The following SLC2A13 variants were observed in gnomAD, a reference collection of about 807,000 sequenced individuals.
The protein encoded by SLC2A13 is solute carrier family 2 member 13.
SLC2A13 carries 32 observed loss-of-function variants against 64.4 expected under a neutral mutation model. The ratio of observed to expected loss-of-function variants is 0.50; its 90% CI spans 0.37 to 0.67. The LOEUF is 0.67. Ranked by LOEUF, SLC2A13 falls within the 30% of genes least tolerant of loss-of-function variation. SLC2A13 has a pLI of 0.00. For missense variants in SLC2A13, 743 were observed against 829.2 expected (o/e 0.90, Z 1.28); for synonymous variants, 338 against 327.1 (o/e 1.03, Z -0.36).
intron 4 of SLC2A13, among the ~76,000 whole-genome samples, chr12:39,945,340 G>T (rs1385621502): frequency 6.6e-6 from 1 of 152,046 alleles, no homozygotes; most frequent in African/African-American, 2.4e-5. Context: ...CCTAGGTGAA[G>T]GTCTTTTTGT....
chr12:39,927,570 A>C (rs1021181367), intron 4 of SLC2A13, among the ~76,000 whole-genome samples: 4 of 152,202 alleles, frequency 2.6e-5, no homozygotes, highest in Non-Finnish European at 5.9e-5. Context: ...TTAGGTTAGA[A>C]TTTATCTTTT....
intron 7 of SLC2A13, among the ~76,000 whole-genome samples, chr12:39,772,101 T>A (rs2135725947): frequency 6.6e-6 from 1 of 152,272 alleles, no homozygotes; most frequent in South Asian, 2.1e-4. Flanking sequence ...CATTATCATA[T>A]AGTGCTCTGT....
chr12:40,003,393 G>T (rs1947351396), intron 3 of SLC2A13, among the ~76,000 whole-genome samples: 1 of 152,106 alleles, frequency 6.6e-6, no homozygotes, highest in Non-Finnish European at 1.5e-5. Flanking sequence ...GAAGAGGAGA[G>T]ACAAAAACAA....
intron 6 of SLC2A13, among the ~76,000 whole-genome samples, chr12:39,859,306 A>C (rs1943691827): frequency 6.7e-6 from 1 of 148,240 alleles, no homozygotes; most frequent in South Asian, 2.1e-4. Flanking sequence ...AAAAAGAAAG[A>C]AAGCTGGCAG....
chr12:39,897,171 T>C (rs1982961), intron 4 of SLC2A13, among the ~76,000 whole-genome samples: 150,845 of 152,286 alleles, frequency 0.99, 74,731 homozygotes, highest in Middle Eastern at 1. Flanking sequence ...TCTGGTTAAT[T>C]TTTCTAGGAC....
chr12:39,822,890 G>A (rs983223106), intron 7 of SLC2A13, among the ~76,000 whole-genome samples: 3 of 152,218 alleles, frequency 2.0e-5, no homozygotes, highest in African/African-American at 7.2e-5. Flanking sequence ...TAAATGTCAA[G>A]TAAGAAATTC....
At chr12:39,989,549 A>T (rs1376454971) in intron 3 of SLC2A13, among the ~76,000 whole-genome samples, 1 of 152,188 alleles carries the variant, frequency 6.6e-6, no homozygotes, top group Non-Finnish European at 1.5e-5. Context: ...TGAGTGAATG[A>T]ATAATCAAAA....
intron 6 of SLC2A13, among the ~76,000 whole-genome samples, chr12:39,857,935 C>G (rs1349613898): frequency 1.3e-5 from 2 of 152,100 alleles, no homozygotes; most frequent in South Asian, 4.1e-4. Context: ...TCTGGCTTCC[C>G]AAGAAGCATT....
At position 40,105,780 on chromosome 12, in the gene SLC2A13, T is replaced by C. The variant is rs953971363; in HGVS notation, c.29A>G (p.Glu10Gly). Residue 10 changes from glutamate to glycine, a missense_variant, in exon 1 of 10, where the codon GAG (glutamate) becomes GGG (glycine). Physicochemically the swap from Glu to Gly is moderately conservative, Grantham distance 98 (BLOSUM62 -2). Transcript: ENST00000280871. This position sits in a 1 kb window ranked among gnomAD's most constrained non-coding sequence, Gnocchi z 4.2. ...GCTGCTCAGGCTCCGCAGCGTGTAC[T>C]CCACATTCTCGCTTGCCTTGCGGGA... MSRKASENV[E>G]YTLRSLSSLM... 3 of 1,487,124 alleles carry C rather than the reference T, an allele frequency of 2.0e-6. No individual in the cohort carries two copies. Among genetic ancestry groups the C allele is most frequent in the African/African-American group, 2.9e-5 (2 of 68,336 alleles). 92.1% of individuals were successfully genotyped at this position (1,487,124 alleles called of 1,614,324 possible). A position where few individuals can be genotyped will look rare whatever the true frequency, so the allele number is the denominator to read the frequency against.
chr12:40,024,914 T>C (rs549703648), intron 3 of SLC2A13, among the ~76,000 whole-genome samples: 1 of 152,130 alleles, frequency 6.6e-6, no homozygotes, highest in Non-Finnish European at 1.5e-5. Flanking sequence ...AGATGGCAAG[T>C]TTGAGACACA....
At chr12:39,913,440 T>C (rs554599361) in intron 4 of SLC2A13, among the ~76,000 whole-genome samples, 9 of 151,150 alleles carry the variant, frequency 6.0e-5, no homozygotes, top group Non-Finnish European at 1.2e-4. Context: ...TAAGCCTCCA[T>C]ACAATAATAA....
chr12:40,056,356 A>G (rs1948333458), intron 1 of SLC2A13, among the ~76,000 whole-genome samples: 1 of 152,218 alleles, frequency 6.6e-6, no homozygotes, highest in African/African-American at 2.4e-5. Context: ...CTTGACTGGA[A>G]GTGATGGCAA....
At chr12:40,005,797 G>T (rs1481478910) in intron 3 of SLC2A13, among the ~76,000 whole-genome samples, 1 of 152,188 alleles carries the variant, frequency 6.6e-6, no homozygotes, top group Non-Finnish European at 1.5e-5. Flanking sequence ...AGCAATCACA[G>T]ATTTTGGTAT....
At chr12:39,783,007 C>T (rs1466407717) in intron 7 of SLC2A13, among the ~76,000 whole-genome samples, 1 of 152,120 alleles carries the variant, frequency 6.6e-6, no homozygotes, top group Non-Finnish European at 1.5e-5. Context: ...TCTCTTAATG[C>T]TATCCCTCCC....
chr12:39,942,202 G>C (rs571119000), intron 4 of SLC2A13, among the ~76,000 whole-genome samples: 56 of 152,132 alleles, frequency 3.7e-4, no homozygotes, highest in African/African-American at 1.3e-3. Flanking sequence ...GCTCTTTTTT[G>C]GTTCCATATG....
chr12:39,990,516 A>G (rs909066394), intron 3 of SLC2A13, among the ~76,000 whole-genome samples: 3 of 152,164 alleles, frequency 2.0e-5, no homozygotes, highest in Admixed American at 6.6e-5. Flanking sequence ...GCTGTACTGT[A>G]TTCTGGGGAT....
chr12:40,103,964 T>C (rs1939222017), intron 1 of SLC2A13, among the ~76,000 whole-genome samples: 1 of 152,238 alleles, frequency 6.6e-6, no homozygotes, highest in South Asian at 2.1e-4. Flanking sequence ...GGAAGGTCAC[T>C]ACTGACAAAC....
chr12:39,861,967 A>G (rs1223464952), intron 6 of SLC2A13, among the ~76,000 whole-genome samples: 1 of 152,162 alleles, frequency 6.6e-6, no homozygotes, highest in African/African-American at 2.4e-5. Context: ...GCACCTATCA[A>G]CCCATCACCT....
At chr12:40,010,770 A>G (rs991697079) in intron 3 of SLC2A13, among the ~76,000 whole-genome samples, 1 of 152,138 alleles carries the variant, frequency 6.6e-6, no homozygotes, top group Non-Finnish European at 1.5e-5. Flanking sequence ...CTACTGCCTA[A>G]TTACAGCAAC....
Sources: allele counts gnomAD v4.1 joint callset (sites outside exome capture counted in the v4.1 genomes callset), GRCh38; gene constraint gnomAD v4.1.1; non-coding constraint Gnocchi (gnomAD v3.1); transcripts MANE v1.5; gene names NCBI Gene and HGNC (gene_info 2026-07-23, HGNC 2026-07-21).